The following KIF27 variants were observed in gnomAD, a reference collection of about 807,000 sequenced individuals.
KIF27 encodes the protein kinesin family member 27.
Under a neutral mutation model 141.8 loss-of-function variants are expected in KIF27, and 84 were observed. The ratio of observed to expected loss-of-function variants is 0.59; its 90% CI spans 0.50 to 0.71. The LOEUF is 0.71. Among genes scored for constraint, KIF27 ranks in the 30% least tolerant of loss-of-function variants. The pLI is 0.00. For synonymous variants in KIF27, 471 were observed against 569.5 expected, an observed-to-expected ratio of 0.83 and a Z score of 2.46; for missense variants, 1,306 against 1,628.4, an observed-to-expected ratio of 0.80 and a Z score of 3.41.
chr9:83,839,099 A>G (rs749158684), intron 17 of KIF27, among the ~76,000 whole-genome samples: 4 of 149,022 alleles, frequency 2.7e-5, no homozygotes, highest in Non-Finnish European at 4.6e-5. Context: ...GTTTGAGGCT[A>G]CAGTGAGCCA....
intron 16 of KIF27, among the ~76,000 whole-genome samples, chr9:83,846,837 A>C (rs1587910557): frequency 6.6e-6 from 1 of 152,200 alleles, no homozygotes; most frequent in East Asian, 1.9e-4. Context: ...GAAAGTTAAG[A>C]TTGCCACCTG....
At chr9:83,868,052 T>C (rs1950511720) in intron 12 of KIF27, 192 bp from the exon 13 acceptor site, 5 of 550,882 alleles carry the variant, frequency 9.1e-6, no homozygotes, top group Non-Finnish European at 1.5e-5. Context: ...TATGTTGTTT[T>C]ATAAAGAATT....
At chr9:83,902,970 AAATAT>A in intron 4 of KIF27, 85 bp downstream of exon 4, 1 of 716,664 alleles carries the variant, frequency 1.4e-6, no homozygotes, top group Admixed American at 3.0e-5. Context: ...AACAATGTCT[AAATAT>A]GTTAACACAT....
Position 83,836,345 on chromosome 9 carries a change from A to G in KIF27, c.*656T>C, listed in dbSNP as rs1294799213. On this transcript the variant is annotated 3_prime_UTR_variant, in exon 18 of 18. Coordinates refer to ENST00000297814, the MANE Select transcript of KIF27 (RefSeq NM_017576.4). ...GAGAGATATATTGAGTGTATAGAGC[A>G]GGAAAGACATGAAAACTTATATTGC... Among the ~76,000 whole-genome samples, 1 of 152,188 alleles carries G rather than the reference A, an allele frequency of 6.6e-6. No individual in the cohort carries two copies. Among genetic ancestry groups the G allele is most frequent in the African/African-American group, 2.4e-5 (1 of 41,454 alleles).
intron 5 of KIF27, among the ~76,000 whole-genome samples, chr9:83,894,266 T>C (rs1483336889): frequency 1.3e-5 from 2 of 152,170 alleles, no homozygotes; most frequent in Non-Finnish European, 2.9e-5. Flanking sequence ...TGTTACAATA[T>C]CTGACAAGAA....
At chr9:83,852,503 C>G (rs1448243911) in intron 15 of KIF27, among the ~76,000 whole-genome samples, 2 of 151,954 alleles carry the variant, frequency 1.3e-5, no homozygotes, top group Non-Finnish European at 2.9e-5. Flanking sequence ...TATCTTTCTA[C>G]CCTCCAAACA....
At chr9:83,910,065 ACAT>A (rs1954986533) in intron 2 of KIF27, among the ~76,000 whole-genome samples, 1 of 151,680 alleles carries the variant, frequency 6.6e-6, no homozygotes, top group Non-Finnish European at 1.5e-5. Context: ...ATACATACAT[ACAT>A]ACATACATAC....
At chr9:83,859,420 T>A in intron 13 of KIF27, 49 bp from the exon 14 acceptor site, 1 of 1,262,094 alleles carries the variant, frequency 7.9e-7, no homozygotes, top group Non-Finnish European at 1.1e-6. Flanking sequence ...ACTAGAAATC[T>A]AGACTGCATA....
chr9:83,904,653 G>C (rs1954305266), intron 3 of KIF27, among the ~76,000 whole-genome samples: 1 of 152,132 alleles, frequency 6.6e-6, no homozygotes. Flanking sequence ...TAACAGGTGT[G>C]AGCCACTGCA....
chr9:83,896,430 T>C (rs183689790), intron 5 of KIF27, among the ~76,000 whole-genome samples: 20 of 152,220 alleles, frequency 1.3e-4, no homozygotes, highest in African/African-American at 4.6e-4. Flanking sequence ...ATACCAACAA[T>C]TAGGGAATTT....
intron 3 of KIF27, among the ~76,000 whole-genome samples, chr9:83,905,751 C>T (rs1954454935): frequency 6.6e-6 from 1 of 152,126 alleles, no homozygotes; most frequent in Admixed American, 6.6e-5. Context: ...GCCCAGGTAC[C>T]ATCTCAGACC....
intron 9 of KIF27, 144 bp downstream of exon 9, chr9:83,886,897 T>C (rs1391232063): frequency 1.9e-5 from 15 of 809,746 alleles, no homozygotes; most frequent in African/African-American, 1.1e-4. Context: ...CCTCCACATA[T>C]TGGCCTAAAA....
At position 83,861,181 on chromosome 9, in the gene KIF27, T is replaced by TTATATATA. The variant is rs369418168; in HGVS notation, c.2935-1818_2935-1811dup. On this transcript the variant is annotated intron_variant, in intron 13 of 17. Transcript: ENST00000297814. ...GCTGGCCCCTTGATGGGCTATTTCT[T>TTATATATA]TATATATATATATATAACTTTAAGT... Among the ~76,000 whole-genome samples the TTATATATA allele has an allele frequency of 6.3e-3, 943 of 149,528 alleles. 5 individuals are homozygous for TTATATATA. The highest frequency in any genetic ancestry group is 7.3e-3 in the Non-Finnish European group (491 of 67,372).
intron 2 of KIF27, among the ~76,000 whole-genome samples, chr9:83,911,143 T>C (rs755131774): frequency 1.9e-4 from 29 of 152,312 alleles, no homozygotes; most frequent in Non-Finnish European, 3.8e-4. Context: ...CATGGCTCAC[T>C]ACAGCCTTGA....
At chr9:83,907,969 A>G (rs1391067001) in intron 3 of KIF27, among the ~76,000 whole-genome samples, 1 of 152,354 alleles carries the variant, frequency 6.6e-6, no homozygotes, top group East Asian at 1.9e-4. Flanking sequence ...GAGTGATTTA[A>G]GAGAGATTAA....
chr9:83,913,664 TG>T (rs1194377774), intron 2 of KIF27, among the ~76,000 whole-genome samples: 1 of 152,230 alleles, frequency 6.6e-6, no homozygotes, highest in Non-Finnish European at 1.5e-5. Flanking sequence ...CTCAAACTCC[TG>T]GCCTCAAGTG....
intron 13 of KIF27, among the ~76,000 whole-genome samples, chr9:83,864,717 C>T (rs1024971875): frequency 6.6e-6 from 1 of 152,162 alleles, no homozygotes. Flanking sequence ...GAGTTCAATT[C>T]CTGGATATCC....
chr9:83,890,224 A>T (rs1015188196), intron 6 of KIF27, among the ~76,000 whole-genome samples: 41 of 152,246 alleles, frequency 2.7e-4, no homozygotes, highest in Middle Eastern at 6.8e-3. Flanking sequence ...ATCATCTTAT[A>T]TCTGATTTTT....
rs773782527 is a variant in KIF27 at position 83,903,816 on chromosome 9, C to T, written c.702G>A (p.Arg234=). The part of the protein sequence containing the change: ...AAEDGSWYSP[R]HIVSKFHFVD... The stretch of plus-strand genomic sequence containing the variant: ...CAAAGTGGAACTTTGAGACAATATG[C>T]CGAGGGGAATACCATGATCCATCTT... Residue 234 remains arginine (R), a synonymous_variant, in exon 4 of 18, where the codon CGG becomes CGA. Coordinates refer to ENST00000297814, the MANE Select transcript of KIF27 (RefSeq NM_017576.4). The T allele has an allele frequency of 1.2e-6, 2 of 1,614,164 alleles. No homozygotes were observed. Among genetic ancestry groups the T allele is most frequent in the Non-Finnish European group, 8.5e-7 (1 of 1,180,028 alleles).
Sources: gnomAD v4.1 joint callset for allele counts (sites outside exome capture counted in the v4.1 genomes callset) on GRCh38, gnomAD v4.1.1 for gene constraint, MANE v1.5 for transcripts, NCBI Gene and HGNC (gene_info 2026-07-23, HGNC 2026-07-21) for gene names.